The following RHBDD1 variants were observed in gnomAD, a reference collection of about 807,000 sequenced individuals.
RHBDD1 encodes rhomboid-related protein 4.
A neutral mutation model predicts 36.3 loss-of-function variants in RHBDD1; 38 were observed. That is an observed-to-expected ratio of 1.05 (90% CI 0.81 to 1.37). RHBDD1 has a LOEUF of 1.37. Ranked by LOEUF, RHBDD1 falls within the 40% of genes most tolerant of loss-of-function variation. The pLI is 0.00. For synonymous variants in RHBDD1, 151 were observed against 136.5 expected (o/e 1.11, Z -0.74); for missense variants, 393 against 377.6 (o/e 1.04, Z -0.34).
intron 8 of RHBDD1, among the ~76,000 whole-genome samples, chr2:226,960,879 AC>A (rs1952146271): frequency 6.6e-6 from 1 of 152,172 alleles, no homozygotes; most frequent in African/African-American, 2.4e-5. Context: ...TAAGCATACA[AC>A]AAAAAAATTC....
intron 8 of RHBDD1, among the ~76,000 whole-genome samples, chr2:226,926,152 G>A: frequency 6.6e-6 from 1 of 151,816 alleles, no homozygotes; most frequent in Non-Finnish European, 1.5e-5. Flanking sequence ...GGCCGAGGCG[G>A]GTGGATCATG....
intron 5 of RHBDD1, chr2:226,869,145 TC>T: frequency 2.0e-6 from 2 of 984,396 alleles, no homozygotes; most frequent in Non-Finnish European, 2.4e-6. Context: ...TTTTTAGGGT[TC>T]CCCCCAACTT....
chr2:226,839,728 A>AG (rs1448084101), intron 3 of RHBDD1, 101 bp downstream of exon 3: 2 of 141,474 alleles, frequency 1.4e-5, no homozygotes, highest in Non-Finnish European at 3.0e-5. Context: ...GTGATTATTG[A>AG]GAAAAAAAAA....
intron 8 of RHBDD1, among the ~76,000 whole-genome samples, chr2:226,973,407 G>C (rs1242110390): frequency 6.6e-6 from 1 of 152,244 alleles, no homozygotes; most frequent in East Asian, 1.9e-4. Context: ...ATCTGGGAAA[G>C]TTGGGAAGTG....
At chr2:226,860,280 T>G (rs1943729031) in intron 3 of RHBDD1, among the ~76,000 whole-genome samples, 1 of 152,128 alleles carries the variant, frequency 6.6e-6, no homozygotes, top group African/African-American at 2.4e-5. Flanking sequence ...CTGGCCTTTC[T>G]TGAACTCTGG....
chr2:226,992,531 GTCT>G (rs749632943), intron 8 of RHBDD1, among the ~76,000 whole-genome samples: 2 of 152,144 alleles, frequency 1.3e-5, no homozygotes, highest in Non-Finnish European at 2.9e-5. Flanking sequence ...TATACCCAAG[GTCT>G]TCTTGGTTCT....
intron 8 of RHBDD1, among the ~76,000 whole-genome samples, chr2:226,927,427 T>A (rs2149080985): frequency 1.3e-5 from 2 of 152,168 alleles, no homozygotes; most frequent in East Asian, 3.9e-4. Context: ...TGAATAAAGC[T>A]GCTATAAAAA....
intron 8 of RHBDD1, among the ~76,000 whole-genome samples, chr2:226,972,755 C>T (rs1331769616): frequency 6.6e-6 from 1 of 152,172 alleles, no homozygotes; most frequent in Non-Finnish European, 1.5e-5. Context: ...TCTGCTCACA[C>T]TCGGCCAAGC....
intron 8 of RHBDD1, among the ~76,000 whole-genome samples, chr2:226,994,761 T>C (rs954959139): frequency 3.9e-5 from 6 of 152,330 alleles, no homozygotes; most frequent in East Asian, 1.9e-4. Flanking sequence ...CTTTCTTATG[T>C]AGTGATTGAA....
At chr2:226,856,143 A>G (rs1180492437) in intron 3 of RHBDD1, among the ~76,000 whole-genome samples, 2 of 152,192 alleles carry the variant, frequency 1.3e-5, no homozygotes, top group African/African-American at 4.8e-5. Context: ...AACATGGTGT[A>G]ATGATGTGAA....
chr2:226,954,523 GC>G, intron 8 of RHBDD1, among the ~76,000 whole-genome samples: 2 of 152,218 alleles, frequency 1.3e-5, no homozygotes, highest in Non-Finnish European at 2.9e-5. Context: ...CTAGCCGCTA[GC>G]AAACAAGTTG....
intron 3 of RHBDD1, among the ~76,000 whole-genome samples, chr2:226,861,005 A>G (rs1218003544): frequency 6.6e-6 from 1 of 152,204 alleles, no homozygotes; most frequent in East Asian, 1.9e-4. Context: ...TGGCATGCAT[A>G]TGGCACTTGA....
chr2:226,956,790 A>G (rs567411304), intron 8 of RHBDD1, among the ~76,000 whole-genome samples: 2 of 152,350 alleles, frequency 1.3e-5, no homozygotes, highest in African/African-American at 4.8e-5. Context: ...AGGAATCCTA[A>G]GCATGACACA....
At chr2:226,927,713 C>T (rs528879743) in intron 8 of RHBDD1, among the ~76,000 whole-genome samples, 3 of 152,132 alleles carry the variant, frequency 2.0e-5, no homozygotes, top group East Asian at 3.9e-4. Context: ...TCTCTAATGA[C>T]TAATGATGTT....
At chr2:226,832,488 G>C (rs979781230), upstream of RHBDD1, among the ~76,000 whole-genome samples, 9 of 152,184 alleles carry the variant, frequency 5.9e-5, no homozygotes, top group Non-Finnish European at 1.0e-4. Context: ...GTTAGGTTGA[G>C]AGTCTTGTTC....
chr2:226,969,394 C>CTTTTTTT (rs77924848), intron 8 of RHBDD1, among the ~76,000 whole-genome samples: 2 of 115,540 alleles, frequency 1.7e-5, no homozygotes, highest in East Asian at 2.6e-4. Context: ...ACAGCTCAGC[C>CTTTTTTT]TTTTTTTTTT....
chr2:226,939,257 T>C (rs1057020761), intron 8 of RHBDD1, among the ~76,000 whole-genome samples: 1 of 152,080 alleles, frequency 6.6e-6, no homozygotes, highest in Non-Finnish European at 1.5e-5. Context: ...CTATTCAACA[T>C]AGTATTGGAA....
chr2:226,953,945 C>T (rs1386716662), intron 8 of RHBDD1, among the ~76,000 whole-genome samples: 3 of 152,172 alleles, frequency 2.0e-5, no homozygotes, highest in Non-Finnish European at 2.9e-5. Context: ...GCTGCTCTCA[C>T]ATGTGGGAAG....
chr2:226,824,126 TATATAC>T, the RHBDD1 span, among the ~76,000 whole-genome samples: 2 of 152,096 alleles, frequency 1.3e-5, no homozygotes, highest in Non-Finnish European at 2.9e-5. Flanking sequence ...ATACACACAT[TATATAC>T]ATATAAACTA....
Sources: gnomAD v4.1 joint callset for allele counts (sites outside exome capture counted in the v4.1 genomes callset) on GRCh38, gnomAD v4.1.1 for gene constraint, MANE v1.5 for transcripts, NCBI Gene and HGNC (gene_info 2026-07-23, HGNC 2026-07-21) for gene names.